Variants in VKORC1L1 observed in about 807,000 individuals in gnomAD.
VKORC1L1 encodes vitamin K epoxide reductase complex subunit 1-like protein 1.
A neutral mutation model predicts 18.9 loss-of-function variants in VKORC1L1; 2 were observed. The observed-to-expected ratio is 0.11, with a 90% CI of 0.04 to 0.33. The LOEUF (loss-of-function observed/expected upper bound fraction) is 0.33, where lower values mean the gene tolerates loss of function less well. Ranked by LOEUF, VKORC1L1 falls within the 10% of genes least tolerant of loss-of-function variation. VKORC1L1 has a pLI of 1.00. For synonymous variants in VKORC1L1, 96 were observed against 100.0 expected (o/e 0.96, Z 0.24); for missense variants, 123 against 224.1 (o/e 0.55, Z 2.88).
At chr7:65,911,469 C>T (rs10950022) in intron 1 of VKORC1L1, among the ~76,000 whole-genome samples, 46,769 of 152,094 alleles carry the variant, frequency 0.31, 8,586 homozygotes, top group East Asian at 0.46. Context: ...ATGCCATATA[C>T]ACCTCCCCAT....
At chr7:65,891,435 G>T (rs1789109812) in intron 1 of VKORC1L1, among the ~76,000 whole-genome samples, 3 of 152,050 alleles carry the variant, frequency 2.0e-5, no homozygotes, top group Admixed American at 2.0e-4. Flanking sequence ...TAATGAGGTT[G>T]ACCAGCCTTT....
chr7:65,955,060 A>G lies in VKORC1L1; in HGVS notation c.*760A>G, dbSNP rs1444455047. Reference sequence around the variant, plus strand: ...GAACGTTCAAGTCCAGTTTGTGTTCAGTCATAAAACTGGGCCAGTTGTTAA... The same window carrying G: ...GAACGTTCAAGTCCAGTTTGTGTTCGGTCATAAAACTGGGCCAGTTGTTAA... On this transcript the variant is annotated 3_prime_UTR_variant, in exon 3 of 3. Transcript: ENST00000360768. 6.6e-6 allele frequency: 1 copy of G among 152,244 alleles called. No homozygotes were observed. The highest frequency in any genetic ancestry group is 1.5e-5 in the Non-Finnish European group (1 of 68,060). 9.4% of individuals were successfully genotyped at this position (152,244 alleles called of 1,614,324 possible).
At chr7:65,951,357 CGAGGTCAG>C (rs1409358427) in intron 2 of VKORC1L1, among the ~76,000 whole-genome samples, 2 of 151,948 alleles carry the variant, frequency 1.3e-5, no homozygotes, top group African/African-American at 2.4e-5. Context: ...GGGTGGATCA[CGAGGTCAG>C]GAGTTCAAGA....
At chr7:65,893,984 C>T (rs1197670899) in intron 1 of VKORC1L1, among the ~76,000 whole-genome samples, 2 of 150,686 alleles carry the variant, frequency 1.3e-5, no homozygotes, top group African/African-American at 4.9e-5. Context: ...GACGGAGTTT[C>T]GCTCCTGTTG....
chr7:65,937,475 G>C (rs1314028311), intron 1 of VKORC1L1, among the ~76,000 whole-genome samples: 1 of 152,124 alleles, frequency 6.6e-6, no homozygotes, highest in Non-Finnish European at 1.5e-5. Context: ...GCTCACTGCA[G>C]CCTTGACCTC....
intron 1 of VKORC1L1, among the ~76,000 whole-genome samples, chr7:65,916,497 C>T (rs1224462300): frequency 6.6e-6 from 1 of 152,064 alleles, no homozygotes; most frequent in Non-Finnish European, 1.5e-5. Flanking sequence ...CTAGCCATTT[C>T]TCTGAGCTCA....
chr7:65,915,692 T>C (rs1345491234), intron 1 of VKORC1L1, among the ~76,000 whole-genome samples: 1 of 151,830 alleles, frequency 6.6e-6, no homozygotes, highest in Non-Finnish European at 1.5e-5. Flanking sequence ...GGGAGTTAGA[T>C]AGTAGAGGCA....
intron 1 of VKORC1L1, among the ~76,000 whole-genome samples, chr7:65,876,578 G>A (rs1171360355): frequency 1.3e-5 from 2 of 151,608 alleles, no homozygotes; most frequent in Admixed American, 6.6e-5. Flanking sequence ...AAACTCTGCT[G>A]CAAACCTGCA....
At position 65,873,383 on chromosome 7, in the gene VKORC1L1, C is replaced by G. The variant is rs552596206; in HGVS notation, c.12C>G (p.Pro4=). Reference sequence around the variant, plus strand: ...GCGGCGGCGGGAAGATGGCGGCTCCCGTCCTGCTAAGAGTGTCGGTGCCGC... The same window carrying G: ...GCGGCGGCGGGAAGATGGCGGCTCCGGTCCTGCTAAGAGTGTCGGTGCCGC... MAA[P]VLLRVSVPRW... is the part of the protein sequence containing the mutation. Residue 4 remains proline, a synonymous_variant, in exon 1 of 3, where the codon CCC becomes CCG. Coordinates refer to ENST00000360768, the MANE Select transcript of VKORC1L1 (RefSeq NM_173517.6). 1.2e-5 allele frequency: 19 copies of G among 1,524,974 alleles called. No individual in the cohort carries two copies. In the South Asian group the frequency reaches 1.6e-4, roughly 13 times the overall value. The allele number at this position is 1,524,974 out of a possible 1,614,324, so 94.5% of individuals were successfully genotyped here. A position where few individuals can be genotyped will look rare whatever the true frequency, so the allele number is the denominator to read the frequency against.
rs973355344 is a variant in VKORC1L1 at position 65,912,949 on chromosome 7, C to T, written c.195-35722C>T. ...TAGTAAACAGTTCCAGGAGCAGCAC[C>T]GGTCCGTGGAACCCACTCTGAGTAG... On this transcript the variant is annotated intron_variant, in intron 1 of 2. Transcript: ENST00000360768. Among the ~76,000 whole-genome samples, 9 of 152,118 alleles carry T rather than the reference C, an allele frequency of 5.9e-5. No homozygotes were observed. The East Asian group carries it at 7.7e-4, about 13-fold the overall frequency.
rs867476941 is a variant in VKORC1L1, at chr7:65,909,449, C to T, written c.194+35884C>T. Among the ~76,000 whole-genome samples the T allele has an allele frequency of 3.0e-4, 46 of 152,066 alleles. 1 individual carries two copies. Among genetic ancestry groups the T allele is most frequent in the African/African-American group, 9.6e-4 (40 of 41,478 alleles). On this transcript the variant is annotated intron_variant, in intron 1 of 2. Coordinates refer to ENST00000360768, the MANE Select transcript of VKORC1L1 (RefSeq NM_173517.6). Reference sequence around the variant, plus strand: ...CAGGATATGGACTTCCAATTGTATCCACAATAAAGCAAGTCTCTTTAATCC... The same window carrying T: ...CAGGATATGGACTTCCAATTGTATCTACAATAAAGCAAGTCTCTTTAATCC...
At position 65,895,496 on chromosome 7, in the gene VKORC1L1, T is replaced by A. The variant is rs867318378; in HGVS notation, c.194+21931T>A. 4.8e-4 allele frequency among the ~76,000 whole-genome samples: 43 copies of A among 89,980 alleles called. 1 individual carries two copies. The highest frequency in any genetic ancestry group is 1.4e-3 in the East Asian group (3 of 2,196). 59.0% of individuals were successfully genotyped at this position (89,980 alleles called of 152,430 possible). A position where few individuals can be genotyped will look rare whatever the true frequency, so the allele number is the denominator to read the frequency against. ...AAAAAAAAAAATATATATATATATA[T>A]ATATATATATATATATATATACACA... is the stretch of plus-strand genomic sequence containing the variant. On this transcript the variant is annotated intron_variant, in intron 1 of 2. Coordinates refer to ENST00000360768, the MANE Select transcript of VKORC1L1 (RefSeq NM_173517.6).
At chr7:65,925,395 G>C (rs1289277376) in intron 1 of VKORC1L1, among the ~76,000 whole-genome samples, 1 of 152,118 alleles carries the variant, frequency 6.6e-6, no homozygotes, top group East Asian at 1.9e-4. Flanking sequence ...CTCCGAGTTG[G>C]TCTCACTCTT....
intron 1 of VKORC1L1, among the ~76,000 whole-genome samples, chr7:65,925,367 G>A (rs549018286): frequency 1.4e-4 from 21 of 152,224 alleles, no homozygotes; most frequent in African/African-American, 4.3e-4. Flanking sequence ...CATCTTCAGT[G>A]CTCTAAACTG....
At chr7:65,873,045 G>T, upstream of VKORC1L1, among the ~76,000 whole-genome samples, 2 of 133,108 alleles carry the variant, frequency 1.5e-5, no homozygotes, top group Non-Finnish European at 3.2e-5. Flanking sequence ...GCGCGCGACC[G>T]GCCGCGCGGC....
chr7:65,934,331 T>C (rs770538429), intron 1 of VKORC1L1, among the ~76,000 whole-genome samples: 13 of 152,196 alleles, frequency 8.5e-5, no homozygotes, highest in Admixed American at 5.2e-4. Context: ...TATAGAATAA[T>C]TAAATCAAGC....
intron 1 of VKORC1L1, among the ~76,000 whole-genome samples, chr7:65,942,521 AT>A (rs1277451754): frequency 6.7e-6 from 1 of 149,792 alleles, no homozygotes; most frequent in Non-Finnish European, 1.5e-5. Context: ...GACTTGTTGA[AT>A]TTTTTTCTTT....
intron 1 of VKORC1L1, among the ~76,000 whole-genome samples, chr7:65,898,353 G>T (rs953188012): frequency 1.3e-5 from 2 of 151,980 alleles, no homozygotes; most frequent in African/African-American, 4.8e-5. Context: ...CAAAGTGTTG[G>T]GATTACAGGT....
At chr7:65,889,958 TTTTG>T (rs1033736186) in intron 1 of VKORC1L1, among the ~76,000 whole-genome samples, 17 of 116,848 alleles carry the variant, frequency 1.5e-4, no homozygotes, top group Non-Finnish European at 9.2e-5. Context: ...CTCTCTCTTT[TTTTG>T]TTTTTGTTTT....
Sources: allele counts gnomAD v4.1 joint callset (sites outside exome capture counted in the v4.1 genomes callset), GRCh38; gene constraint gnomAD v4.1.1; transcripts MANE v1.5; gene names NCBI Gene and HGNC (gene_info 2026-07-23, HGNC 2026-07-21).